Variants in USPL1 observed in about 807,000 individuals in gnomAD.
The protein encoded by USPL1 is ubiquitin specific peptidase like 1.
A neutral mutation model predicts 51.5 loss-of-function variants in USPL1; 27 were observed. That is an observed-to-expected ratio of 0.52 (90% CI 0.39 to 0.72). USPL1 has a LOEUF of 0.72. Ranked by LOEUF, USPL1 falls within the 30% of genes least tolerant of loss-of-function variation. USPL1 has a pLI of 0.00. For synonymous variants in USPL1, 451 were observed against 459.6 expected, an observed-to-expected ratio of 0.98 and a Z score of 0.24; for missense variants, 1,226 against 1,268.0, an observed-to-expected ratio of 0.97 and a Z score of 0.50.
At chr13:30,651,563 G>A (rs1951092417) in intron 7 of USPL1, among the ~76,000 whole-genome samples, 1 of 152,250 alleles carries the variant, frequency 6.6e-6, no homozygotes, top group South Asian at 2.1e-4. Context: ...GTAAAGGCAG[G>A]AAACTAGTGA....
At chr13:30,655,972 T>C (rs771429362) in intron 8 of USPL1, among the ~76,000 whole-genome samples, 66 of 152,334 alleles carry the variant, frequency 4.3e-4, no homozygotes, top group Middle Eastern at 6.8e-3. Flanking sequence ...TGTGTAGATA[T>C]TGATATATAC....
intron 3 of USPL1, among the ~76,000 whole-genome samples, chr13:30,625,481 C>G (rs1395876900): frequency 7.4e-6 from 1 of 135,072 alleles, no homozygotes; most frequent in Non-Finnish European, 1.5e-5. Flanking sequence ...GAGTCTCGCT[C>G]TGTCACGAGG....
At chr13:30,641,901 C>T (rs1950952299) in intron 5 of USPL1, among the ~76,000 whole-genome samples, 1 of 151,682 alleles carries the variant, frequency 6.6e-6, no homozygotes, top group Non-Finnish European at 1.5e-5. Flanking sequence ...CAAACCATTT[C>T]CATAATTTTT....
intron 3 of USPL1, 83 bp downstream of exon 3, chr13:30,621,975 A>G: frequency 9.2e-7 from 1 of 1,092,874 alleles, no homozygotes; most frequent in African/African-American, 1.7e-5. Context: ...AAGTTTACTC[A>G]TTTTTTGTTT....
chr13:30,658,132 T>A lies in USPL1; in HGVS notation c.2055T>A (p.Thr685=), dbSNP rs756293025. The change falls in exon 9 of 9, where the codon ACT becomes ACA. Residue 685 remains threonine (T), a synonymous_variant. Coordinates refer to ENST00000255304, the MANE Select transcript of USPL1 (RefSeq NM_005800.5). The stretch of plus-strand genomic sequence containing the variant: ...AATCTGTGAATAATACTGATGCTAC[T>A]GGTCTTATACAGGGAGTGAAGTCAG... ...NTKSVNNTDA[T]GLIQGVKSVE... 2.5e-6 allele frequency: 4 copies of A among 1,613,800 alleles called. No homozygotes were observed.
At position 30,660,392 on chromosome 13, in the gene USPL1, G is replaced by C. The variant is rs1380001708; in HGVS notation, c.*1036G>C. The C allele has an allele frequency of 6.6e-6, 1 of 152,284 alleles. No homozygotes were observed. The highest frequency in any genetic ancestry group is 1.5e-5 in the Non-Finnish European group (1 of 68,080). 9.4% of individuals were successfully genotyped at this position (152,284 alleles called of 1,614,324 possible). On this transcript the variant is annotated 3_prime_UTR_variant, in exon 9 of 9. Transcript: ENST00000255304. ...AAGCACTTCCGAGCCTGCAAAAGCAGGCCCCCAAAAGTGCAGGGATGCCTG... is the reference window on the plus strand; with the variant it reads ...AAGCACTTCCGAGCCTGCAAAAGCACGCCCCCAAAAGTGCAGGGATGCCTG...
At chr13:30,648,888 G>A (rs1951051964) in intron 7 of USPL1, among the ~76,000 whole-genome samples, 1 of 152,140 alleles carries the variant, frequency 6.6e-6, no homozygotes, top group South Asian at 2.1e-4. Context: ...AGCAGAGCAT[G>A]GGGTCTGCCA....
chr13:30,645,299 T>C lies in USPL1; in HGVS notation c.1113-1633T>C, dbSNP rs193184778. ...GTGTTAGGAACTCAGGCACTGGAAA[T>C]AGTGTATCTTTGCCAAATTTACTAA... is the stretch of plus-strand genomic sequence containing the variant. On this transcript the variant is annotated intron_variant, in intron 6 of 8. Transcript: ENST00000255304. Among the ~76,000 whole-genome samples the C allele has an allele frequency of 9.2e-5, 14 of 152,336 alleles. No homozygotes were observed. In the East Asian group the frequency reaches 1.7e-3, roughly 19 times the overall value.
chr13:30,641,242 T>G (rs1341806563), intron 5 of USPL1, among the ~76,000 whole-genome samples: 1 of 152,254 alleles, frequency 6.6e-6, no homozygotes, highest in East Asian at 1.9e-4. Flanking sequence ...CCCACATGAT[T>G]GTTATTGCTT....
intron 3 of USPL1, among the ~76,000 whole-genome samples, chr13:30,629,329 C>T (rs2137628691): frequency 6.6e-6 from 1 of 152,156 alleles, no homozygotes; most frequent in East Asian, 1.9e-4. Context: ...CGTGGTGAAA[C>T]CTTGTCTCTA....
At chr13:30,632,558 C>CACCCA (rs1950821695) in intron 4 of USPL1, among the ~76,000 whole-genome samples, 1 of 151,822 alleles carries the variant, frequency 6.6e-6, no homozygotes, top group Non-Finnish European at 1.5e-5. Context: ...GGACTACAGG[C>CACCCA]GCCCACCACC....
intron 5 of USPL1, among the ~76,000 whole-genome samples, chr13:30,638,222 T>C (rs1566052757): frequency 1.3e-5 from 2 of 152,234 alleles, no homozygotes; most frequent in African/African-American, 4.8e-5. Flanking sequence ...ATGCCAATGC[T>C]GGGGCATTTG....
intron 6 of USPL1, among the ~76,000 whole-genome samples, chr13:30,644,128 CA>C (rs1395543402): frequency 6.6e-6 from 1 of 151,378 alleles, no homozygotes; most frequent in Admixed American, 6.6e-5. Flanking sequence ...ACTGAAAATA[CA>C]AAAATTAGCC....
At position 30,658,427 on chromosome 13, in the gene USPL1, A is replaced by G; in HGVS notation, c.2350A>G (p.Thr784Ala). 1 of 1,613,748 alleles carries G rather than the reference A, an allele frequency of 6.2e-7. No homozygotes were observed. Among genetic ancestry groups the G allele is most frequent in the Non-Finnish European group, 8.5e-7 (1 of 1,180,044 alleles). The change falls in exon 9 of 9, where the codon ACT becomes GCT. Residue 784 changes from threonine to alanine, a missense_variant. Physicochemically the swap from Thr to Ala is moderately conservative, Grantham distance 58. Transcript: ENST00000255304. ...TTCAGCTCATAATAGAAACACTATA[A>G]CTGATTTACAACCTTCAGTTAAAGG... ...CVSAHNRNTITDLQPSVKGVN... is the reference protein window; with the variant it reads ...CVSAHNRNTIADLQPSVKGVN...
chr13:30,657,557 A>AT lies in USPL1; in HGVS notation c.1482dup (p.Val495CysfsTer13). The AT allele has an allele frequency of 6.2e-7, 1 of 1,614,152 alleles. No individual in the cohort carries two copies. The highest frequency in any genetic ancestry group is 1.1e-5 in the South Asian group (1 of 91,070). On this transcript the variant is annotated frameshift_variant, in exon 9 of 9. Transcript: ENST00000255304. LOFTEE classifies it low-confidence loss of function (END_TRUNC). ...TGAAGTTCCTGCTTCAGAGATACAT[A>AT]TTGTTATTTGGGAAAGAAAAATATC...
At chr13:30,622,098 T>C (rs1442166219) in intron 3 of USPL1, among the ~76,000 whole-genome samples, 2 of 152,120 alleles carry the variant, frequency 1.3e-5, no homozygotes, top group Non-Finnish European at 2.9e-5. Context: ...TTTATTGCCA[T>C]TTGATTTGCG....
At chr13:30,650,697 G>A (rs538482549) in intron 7 of USPL1, among the ~76,000 whole-genome samples, 77 of 151,296 alleles carry the variant, frequency 5.1e-4, no homozygotes, top group Non-Finnish European at 9.9e-4. Flanking sequence ...TAGGCATTTG[G>A]AACTTACAAA....
intron 8 of USPL1, among the ~76,000 whole-genome samples, chr13:30,653,996 A>G (rs1446357710): frequency 6.6e-6 from 1 of 152,250 alleles, no homozygotes; most frequent in Non-Finnish European, 1.5e-5. Flanking sequence ...TGAATGGATG[A>G]CACAATACCA....
intron 7 of USPL1, among the ~76,000 whole-genome samples, chr13:30,650,202 AG>A (rs1951070934): frequency 6.6e-6 from 1 of 152,228 alleles, no homozygotes; most frequent in Non-Finnish European, 1.5e-5. Flanking sequence ...TGAACAGAAA[AG>A]GGAAGGGGAA....
Sources: allele counts gnomAD v4.1 joint callset (sites outside exome capture counted in the v4.1 genomes callset), GRCh38; gene constraint gnomAD v4.1.1; transcripts MANE v1.5; gene names NCBI Gene and HGNC (gene_info 2026-07-23, HGNC 2026-07-21).